PCDH19: variants seen among roughly 807,000 people sequenced by gnomAD.
PCDH19 encodes the protein protocadherin-19.
PCDH19 carries 6 observed loss-of-function variants against 46.2 expected under a neutral mutation model. The ratio of observed to expected loss-of-function variants is 0.13; its 90% CI spans 0.07 to 0.26. The LOEUF is 0.26. PCDH19 is among the 10% of genes least tolerant of loss of function. The probability of loss-of-function intolerance (pLI) is 1.00; values close to 1 mark genes in which losing one functional copy is unlikely to be tolerated. For synonymous variants in PCDH19, 481 were observed against 415.7 expected (o/e 1.16, Z -1.91); for missense variants, 740 against 972.3 (o/e 0.76, Z 3.18).
intron 5 of PCDH19, among the ~76,000 whole-genome samples, chrX:100,329,325 TTC>T (rs1443799562): frequency 5.4e-5 from 6 of 111,908 alleles, no homozygotes; most frequent in African/African-American, 1.6e-4. Flanking sequence ...GACACTGTAT[TTC>T]TGAGTTCTCA....
chrX:100,371,980 T>C (rs58330826), intron 3 of PCDH19, among the ~76,000 whole-genome samples: 4,231 of 111,678 alleles, frequency 0.038, 228 homozygotes, highest in East Asian at 0.25. Flanking sequence ...CTCACACCTG[T>C]AATCCCAGCA....
In PCDH19 at chrX:100,406,864, G is replaced by A. The variant is rs751308451; in HGVS notation, c.1734C>T (p.Pro578=). Residue 578 remains proline, a synonymous_variant, in exon 1 of 6, where the codon CCC becomes CCT. Coordinates refer to ENST00000373034, the MANE Select transcript of PCDH19 (RefSeq NM_001184880.2). ...CCAGGTAGCCTATGCCAGAGTTGCG[G>A]GGTATGTAGACCTCGGCAGTGCCGT... ...LINGTAEVYI[P]RNSGIGYLVT... The A allele has an allele frequency of 8.3e-7, 1 of 1,212,076 alleles. No homozygotes were observed. The highest frequency in any genetic ancestry group is 1.1e-6 in the Non-Finnish European group (1 of 895,595).
chrX:100,401,611 C>T (rs930620758), intron 3 of PCDH19, among the ~76,000 whole-genome samples: 29 of 107,554 alleles, frequency 2.7e-4, no homozygotes, highest in African/African-American at 9.3e-4. Context: ...AACATTGTGC[C>T]ATTGCACTCT....
At position 100,296,645 on chromosome X, in the gene PCDH19, C is replaced by T. The variant is rs201509171; in HGVS notation, c.3079G>A (p.Ala1027Thr). Residue 1027 changes from alanine to threonine, a missense_variant, in exon 6 of 6, where the codon GCT becomes ACT. Around this residue, in one of 5 missense-constraint regions of PCDH19, gnomAD observed 416 missense variants for 476.8 expected, o/e 0.87. Transcript: ENST00000373034. Reference protein sequence around the residue: ...TFGKDVSDHPAEERPTLKGKR... With the variant: ...TFGKDVSDHPTEERPTLKGKR... ...CCTTTCAGGGTAGGCCTCTCCTCAG[C>T]CGGGTGGTCGCTGACATCTTTCCCA... 15 of 1,209,412 alleles carry T rather than the reference C, an allele frequency of 1.2e-5. No individual in the cohort carries two copies. Among genetic ancestry groups the T allele is most frequent in the Non-Finnish European group, 1.2e-5 (11 of 895,078 alleles).
At chrX:100,346,384 T>C (rs996443599) in intron 4 of PCDH19, among the ~76,000 whole-genome samples, 17 of 112,042 alleles carry the variant, frequency 1.5e-4, no homozygotes, top group African/African-American at 5.2e-4. Flanking sequence ...TATAACTGTA[T>C]TTAAGTAATA....
chrX:100,310,665 G>A (rs192705230), intron 5 of PCDH19, among the ~76,000 whole-genome samples: 28 of 109,679 alleles, frequency 2.6e-4, no homozygotes, highest in African/African-American at 9.3e-4. Flanking sequence ...ATATAAAGAC[G>A]CCCACAGAAT....
intron 1 of PCDH19, among the ~76,000 whole-genome samples, chrX:100,404,141 T>C (rs1359681051): frequency 1.8e-5 from 2 of 111,675 alleles, no homozygotes; most frequent in Non-Finnish European, 3.8e-5. Context: ...CCTAATCACA[T>C]GGAAAGACAC....
At chrX:100,321,308 T>C (rs1301792349) in intron 5 of PCDH19, among the ~76,000 whole-genome samples, 2 of 112,163 alleles carry the variant, frequency 1.8e-5, no homozygotes, top group Non-Finnish European at 3.8e-5. Context: ...CTGGATCAAA[T>C]GGTAGTTCTA....
chrX:100,385,138 G>A (rs1251663280), intron 3 of PCDH19, among the ~76,000 whole-genome samples: 1 of 97,975 alleles, frequency 1.0e-5, no homozygotes, highest in Admixed American at 1.2e-4. Flanking sequence ...AGACCTGGGC[G>A]ACAGAGTGAG....
chrX:100,350,783 T>G (rs1926546801), intron 3 of PCDH19, 79 bp from the exon 4 acceptor site: 1 of 659,254 alleles, frequency 1.5e-6, no homozygotes, highest in Non-Finnish European at 2.5e-6. Context: ...TTAGAAGGAA[T>G]TTTTCTTCTG....
intron 3 of PCDH19, among the ~76,000 whole-genome samples, chrX:100,382,300 T>C (rs1927578000): frequency 9.0e-6 from 1 of 110,702 alleles, no homozygotes; most frequent in Admixed American, 9.7e-5. Context: ...CAAAGTGAAA[T>C]TGGAGTCCCT....
intron 5 of PCDH19, among the ~76,000 whole-genome samples, chrX:100,313,333 G>C (rs1321471492): frequency 9.0e-6 from 1 of 111,337 alleles, no homozygotes; most frequent in Non-Finnish European, 1.9e-5. Context: ...TCTGTGTACA[G>C]ACAATAAGAC....
intron 5 of PCDH19, among the ~76,000 whole-genome samples, chrX:100,331,706 C>G (rs2147475457): frequency 9.0e-6 from 1 of 111,588 alleles, no homozygotes; most frequent in South Asian, 3.8e-4. Flanking sequence ...TGAGTTCTCA[C>G]AGGAGCTGAT....
At chrX:100,400,344 C>A (rs2147531061) in intron 3 of PCDH19, among the ~76,000 whole-genome samples, 1 of 112,289 alleles carries the variant, frequency 8.9e-6, no homozygotes, top group South Asian at 3.7e-4. Context: ...ATTTTGGGGA[C>A]ACCAATGAGT....
At chrX:100,333,244 A>AG (rs1491248414) in intron 5 of PCDH19, among the ~76,000 whole-genome samples, 1 of 108,192 alleles carries the variant, frequency 9.2e-6, no homozygotes, top group Non-Finnish European at 1.9e-5. Flanking sequence ...AAAGAAAGAA[A>AG]GAAAGGGAAA....
At chrX:100,322,860 TA>T (rs1362274646) in intron 5 of PCDH19, among the ~76,000 whole-genome samples, 1,215 of 65,709 alleles carry the variant, frequency 0.018, 115 homozygotes, top group African/African-American at 0.079. Context: ...TATATATATA[TA>T]TATATTTTTG....
At chrX:100,377,440 T>C (rs776293643) in intron 3 of PCDH19, among the ~76,000 whole-genome samples, 5 of 112,054 alleles carry the variant, frequency 4.5e-5, no homozygotes, top group Non-Finnish European at 7.5e-5. Flanking sequence ...TCTTATGCAC[T>C]GCCCTGCCCT....
rs201266898 is a variant in PCDH19 at position 100,407,439 on chromosome X, G to C, written c.1159C>G (p.Arg387Gly). The C allele has an allele frequency of 2.5e-6, 3 of 1,211,965 alleles. No homozygotes were observed. Among genetic ancestry groups the C allele is most frequent in the Non-Finnish European group, 3.3e-6 (3 of 895,575 alleles). ...DSGLNGRVQC[R>G]LLGNVPFRLQ... ...CGAAAGGGCACATTGCCCAGCAAAC[G>C]GCACTGCACACGTCCATTGAGGCCT... is the stretch of plus-strand genomic sequence containing the variant. Residue 387 changes from arginine to glycine, a missense_variant, in exon 1 of 6, where the codon CGT (arginine) becomes GGT (glycine). This residue lies in a region of PCDH19 where 186 missense variants were observed against 319.9 expected (regional missense o/e 0.58). Transcript: ENST00000373034.
chrX:100,410,157 A>T lies in PCDH19; in HGVS notation c.-1560T>A. On this transcript the variant is annotated 5_prime_UTR_variant, in exon 1 of 6. It introduces an in-frame stop codon into an upstream open reading frame of the 5' UTR. Coordinates refer to ENST00000373034, the MANE Select transcript of PCDH19 (RefSeq NM_001184880.2). ...ACGCGGGTGCCAGTGCCTCCCGGGC[A>T]AGCCAGGCATGGTGCACGGGAGCTG... 1 of 296,700 alleles carries T rather than the reference A, an allele frequency of 3.4e-6. No individual in the cohort carries two copies. Among genetic ancestry groups the T allele is most frequent in the Admixed American group, 6.1e-5 (1 of 16,505 alleles). The allele number at this position is 296,700 out of a possible 1,213,427, so 24.5% of individuals were successfully genotyped here. A position where few individuals can be genotyped will look rare whatever the true frequency, so the allele number is the denominator to read the frequency against.
Sources: gnomAD v4.1 joint callset for allele counts (sites outside exome capture counted in the v4.1 genomes callset) on GRCh38, gnomAD v4.1.1 for gene constraint, gnomAD v4.1.1 regional missense constraint, MANE v1.5 for transcripts, NCBI Gene and HGNC (gene_info 2026-07-23, HGNC 2026-07-21) for gene names.